The following TSACC variants were observed in gnomAD, a reference collection of about 807,000 sequenced individuals.
TSACC encodes TSSK6 activating cochaperone.
In TSACC, 3 loss-of-function variants were observed where a neutral mutation model predicts 6.9. The ratio of observed to expected loss-of-function variants is 0.43; its 90% CI spans 0.20 to 1.12. TSACC has a LOEUF of 1.12. TSACC is among the 50% of genes most tolerant of loss of function. The pLI is 0.28. For synonymous variants in TSACC, 54 were observed against 55.1 expected, an observed-to-expected ratio of 0.98 and a Z score of 0.09; for missense variants, 137 against 143.9, an observed-to-expected ratio of 0.95 and a Z score of 0.24.
upstream of TSACC, chr1:156,338,169 G>T (rs890742847): frequency 6.3e-7 from 1 of 1,589,208 alleles, no homozygotes; most frequent in African/African-American, 1.3e-5. Flanking sequence ...ACGAGCACTG[G>T]ACGATGGCCC....
At chr1:156,337,612 T>C (rs377395441), upstream of TSACC, 92 of 164,936 alleles carry the variant, frequency 5.6e-4, 3 homozygotes, top group South Asian at 0.012. Context: ...AAAATAAATG[T>C]AACGTAAAGT....
At chr1:156,338,004 G>A, upstream of TSACC, 4 of 815,916 alleles carry the variant, frequency 4.9e-6, no homozygotes, top group Non-Finnish European at 6.1e-6. Flanking sequence ...AGAGAAGAGA[G>A]GAAAGCGGGA....
intron 2 of TSACC, among the ~76,000 whole-genome samples, chr1:156,342,374 C>T (rs1665945263): frequency 6.6e-6 from 1 of 152,162 alleles, no homozygotes; most frequent in Non-Finnish European, 1.5e-5. Flanking sequence ...AACATATTTC[C>T]CTCACCAAGA....
At chr1:156,343,650 C>T (rs1666014057) in intron 2 of TSACC, among the ~76,000 whole-genome samples, 1 of 152,154 alleles carries the variant, frequency 6.6e-6, no homozygotes, top group African/African-American at 2.4e-5. Flanking sequence ...CATGATTGGC[C>T]TGTATTGGGT....
chr1:156,346,929 C>T lies in TSACC; in HGVS notation c.325C>T (p.Pro109Ser). Residue 109 changes from proline (P) to serine (S), a missense_variant, in exon 4 of 4, where the codon CCA becomes TCA. Pro to Ser is a moderately conservative substitution (Grantham distance 74). Transcript: ENST00000368254. ...PGRGSNNSSL[P>S]ALSPNPLLNH... ...GAGGGGAAGCAATAACTCTTCTCTCCCAGCCTTATCTCCTAATCCATTGTT... is the reference window on the plus strand; with the variant it reads ...GAGGGGAAGCAATAACTCTTCTCTCTCAGCCTTATCTCCTAATCCATTGTT... The T allele has an allele frequency of 6.2e-7, 1 of 1,614,196 alleles. No homozygotes were observed.
upstream of TSACC, chr1:156,337,802 C>CA (rs11376291): frequency 0.24 from 63,972 of 272,022 alleles, 6,285 homozygotes; most frequent in Admixed American, 0.36. Context: ...GAAAAAAAAA[C>CA]AAAAAAAAAC....
At chr1:156,342,225 T>TA (rs1665937356) in intron 2 of TSACC, among the ~76,000 whole-genome samples, 4 of 152,156 alleles carry the variant, frequency 2.6e-5, no homozygotes, top group Admixed American at 2.6e-4. Context: ...TCTGTCTCCT[T>TA]ACCACATTCT....
At position 156,342,081 on chromosome 1, in the gene TSACC, A is replaced by G. The variant is rs371303618; in HGVS notation, c.34+2290A>G. On this transcript the variant is annotated intron_variant, in intron 2 of 3. Coordinates refer to ENST00000368254, the MANE Select transcript of TSACC (RefSeq NM_001304817.2). ...CGTCTCCAAAAAAAAAAAAAAAAGA[A>G]AGAAAAAAAAATGCATTCTCCTATG... Among the ~76,000 whole-genome samples the G allele has an allele frequency of 1.8e-4, 27 of 151,512 alleles. No homozygotes were observed. The East Asian group carries it at 4.6e-3, about 26-fold the overall frequency.
At chr1:156,346,388 T>C (rs1036127439) in intron 3 of TSACC, among the ~76,000 whole-genome samples, 15 of 152,234 alleles carry the variant, frequency 9.9e-5, no homozygotes, top group Admixed American at 3.3e-4. Context: ...ATATTTGTTA[T>C]ATGCTGGGCA....
chr1:156,338,219 G>C (rs778368965), upstream of TSACC: 6 of 1,575,272 alleles, frequency 3.8e-6, no homozygotes, highest in Middle Eastern at 1.7e-4. Flanking sequence ...CCCAGAGCTG[G>C]GGGAACCGGC....
Position 156,339,743 on chromosome 1 carries a change from C to G in TSACC, c.-15C>G, listed in dbSNP as rs1665751562. 3.1e-6 allele frequency: 5 copies of G among 1,613,940 alleles called. No individual in the cohort carries two copies. The highest frequency in any genetic ancestry group is 4.2e-6 in the Non-Finnish European group (5 of 1,179,968). On this transcript the variant is annotated 5_prime_UTR_variant, in exon 2 of 4. Coordinates refer to ENST00000368254, the MANE Select transcript of TSACC (RefSeq NM_001304817.2). ...CTATGATTCTTTCCCAGGCACCACA[C>G]CTGTTGGTGTTCAGATGGAGCGGCA... is the stretch of plus-strand genomic sequence containing the variant.
upstream of TSACC, chr1:156,338,134 C>T: frequency 2.5e-6 from 4 of 1,579,640 alleles, no homozygotes; most frequent in South Asian, 4.7e-5. Flanking sequence ...GGTCCATTTC[C>T]TGGCATCCCC....
intron 3 of TSACC, 69 bp from the exon 4 acceptor site, chr1:156,346,699 C>A (rs1395590775): frequency 1.3e-6 from 2 of 1,493,322 alleles, no homozygotes; most frequent in Non-Finnish European, 9.3e-7. Context: ...AGGGTCCTTC[C>A]AACCTCAGTA....
At chr1:156,341,534 G>A (rs554619961) in intron 2 of TSACC, among the ~76,000 whole-genome samples, 1 of 152,248 alleles carries the variant, frequency 6.6e-6, no homozygotes, top group Non-Finnish European at 1.5e-5. Flanking sequence ...GGGTCATTGT[G>A]AGAAACATAT....
upstream of TSACC, chr1:156,338,240 G>GGA (rs139949895): frequency 6.5e-7 from 1 of 1,540,822 alleles, no homozygotes; most frequent in East Asian, 2.3e-5. Flanking sequence ...AGAACCTTCT[G>GGA]GAGAGAGAGA....
chr1:156,338,502 C>T (rs1464847330), upstream of TSACC: 9 of 511,840 alleles, frequency 1.8e-5, no homozygotes, highest in Middle Eastern at 5.2e-4. Context: ...GCGCGAACGT[C>T]GGCGCAGGCG....
intron 1 of TSACC, chr1:156,338,815 T>C (rs2101694076): frequency 6.5e-6 from 1 of 153,962 alleles, no homozygotes; most frequent in East Asian, 1.9e-4. Context: ...TGCGCAGCCT[T>C]TTTCCGGGCA....
At chr1:156,343,949 A>C (rs967291175) in intron 2 of TSACC, among the ~76,000 whole-genome samples, 1 of 152,080 alleles carries the variant, frequency 6.6e-6, no homozygotes, top group Non-Finnish European at 1.5e-5. Context: ...CAGGTTGGTC[A>C]GGCTAGTCTT....
intron 3 of TSACC, among the ~76,000 whole-genome samples, chr1:156,345,165 A>C (rs1165930702): frequency 6.6e-6 from 1 of 152,240 alleles, no homozygotes; most frequent in Non-Finnish European, 1.5e-5. Flanking sequence ...AGACAGTCAT[A>C]ACCCCTGTTT....
Sources: gnomAD v4.1 joint callset for allele counts (sites outside exome capture counted in the v4.1 genomes callset) on GRCh38, gnomAD v4.1.1 for gene constraint, MANE v1.5 for transcripts, NCBI Gene and HGNC (gene_info 2026-07-23, HGNC 2026-07-21) for gene names.